The following ATE1 variants were observed in gnomAD, a reference collection of about 807,000 sequenced individuals.
ATE1 encodes arginyl-tRNA--protein transferase 1.
ATE1 carries 36 observed loss-of-function variants against 70.5 expected under a neutral mutation model. The ratio of observed to expected loss-of-function variants is 0.51; its 90% CI spans 0.39 to 0.67. The LOEUF is 0.67. ATE1 is among the 30% of genes least tolerant of loss of function. The pLI, the probability that ATE1 is intolerant of heterozygous loss-of-function variation, is 0.00. For missense variants in ATE1, 593 were observed against 629.5 expected (o/e 0.94, Z 0.62); for synonymous variants, 232 against 219.3 (o/e 1.06, Z -0.51).
At chr10:121,876,676 T>C (rs1165757100) in intron 7 of ATE1, among the ~76,000 whole-genome samples, 1 of 152,066 alleles carries the variant, frequency 6.6e-6, no homozygotes, top group Non-Finnish European at 1.5e-5. Context: ...TCTTAAAAAA[T>C]TGTGTTGCTG....
At chr10:121,782,656 T>C (rs1403083879) in intron 11 of ATE1, 2 of 152,232 alleles carry the variant, frequency 1.3e-5, no homozygotes, top group African/African-American at 4.8e-5. Flanking sequence ...CTTGATTGGA[T>C]TGAAGGATGC....
At chr10:121,869,979 A>T (rs1196972989) in intron 8 of ATE1, 27 bp downstream of exon 8, 1 of 1,578,642 alleles carries the variant, frequency 6.3e-7, no homozygotes, top group Non-Finnish European at 8.7e-7. Flanking sequence ...ACCAATTCTA[A>T]TATTAAGGTC....
At chr10:121,826,047 G>A (rs1295139814) in intron 10 of ATE1, among the ~76,000 whole-genome samples, 1 of 152,222 alleles carries the variant, frequency 6.6e-6, no homozygotes. Flanking sequence ...GTATTATGCT[G>A]AGTAAATTAA....
intron 8 of ATE1, among the ~76,000 whole-genome samples, chr10:121,866,448 A>G (rs994714116): frequency 1.3e-5 from 2 of 151,776 alleles, no homozygotes; most frequent in Non-Finnish European, 1.5e-5. Context: ...AGACAGAAAC[A>G]GACAGAAATT....
rs150069572 is a variant in ATE1, at chr10:121,877,456, T to C, written c.943-7418A>G. Among the ~76,000 whole-genome samples the C allele has an allele frequency of 2.0e-3, 311 of 152,242 alleles. 2 individuals carry two copies. Among genetic ancestry groups the C allele is most frequent in the African/African-American group, 7.1e-3 (297 of 41,548 alleles). The stretch of plus-strand genomic sequence containing the variant: ...AGATTCTTCCAAAATAATATTTTCC[T>C]AGGTATGGAGTATAGTTATTTCCAG... On this transcript the variant is annotated intron_variant, in intron 7 of 11. Transcript: ENST00000224652.
At chr10:121,780,897 C>T (rs1945958986) in intron 11 of ATE1, among the ~76,000 whole-genome samples, 1 of 152,202 alleles carries the variant, frequency 6.6e-6, no homozygotes, top group South Asian at 2.1e-4. Flanking sequence ...TCTGAGTGTG[C>T]TTGATAACTG....
chr10:121,805,739 T>C (rs1250093972), intron 10 of ATE1, among the ~76,000 whole-genome samples: 1 of 152,240 alleles, frequency 6.6e-6, no homozygotes, highest in Non-Finnish European at 1.5e-5. Flanking sequence ...TTTAAAATCC[T>C]TAACGTTTGC....
At chr10:121,790,144 C>T (rs767054130) in intron 11 of ATE1, 25 bp downstream of exon 11, 2 of 1,613,168 alleles carry the variant, frequency 1.2e-6, no homozygotes, top group East Asian at 4.5e-5. Context: ...CAATGATTTC[C>T]AGCTGAGCTC....
chr10:121,745,601 C>T (rs1944331546), intron 11 of ATE1, among the ~76,000 whole-genome samples: 1 of 152,148 alleles, frequency 6.6e-6, no homozygotes, highest in Non-Finnish European at 1.5e-5. Flanking sequence ...GTGGCGGGCG[C>T]CTGTAGTCCC....
intron 10 of ATE1, among the ~76,000 whole-genome samples, chr10:121,800,447 T>G (rs1047073381): frequency 6.6e-6 from 1 of 152,218 alleles, no homozygotes; most frequent in Non-Finnish European, 1.5e-5. Flanking sequence ...GAACTTTCCT[T>G]TGAACTCTGG....
intron 10 of ATE1, among the ~76,000 whole-genome samples, chr10:121,791,536 A>T (rs145006815): frequency 6.6e-6 from 1 of 152,246 alleles, no homozygotes; most frequent in Admixed American, 6.5e-5. Flanking sequence ...GAAAATTTTC[A>T]TAACTATCAA....
chr10:121,826,110 A>G (rs1326789751), intron 10 of ATE1, among the ~76,000 whole-genome samples: 1 of 152,214 alleles, frequency 6.6e-6, no homozygotes, highest in Admixed American at 6.5e-5. Flanking sequence ...GGTACCTAGA[A>G]TAGTCAAATT....
chr10:121,753,011 T>C (rs1034901034), intron 11 of ATE1, among the ~76,000 whole-genome samples: 1 of 152,246 alleles, frequency 6.6e-6, no homozygotes, highest in Non-Finnish European at 1.5e-5. Context: ...AGGTCTTCTG[T>C]AATTTCTTTG....
intron 10 of ATE1, among the ~76,000 whole-genome samples, chr10:121,815,138 T>TTTTTTG (rs1308776720): frequency 1.3e-5 from 2 of 152,138 alleles, no homozygotes; most frequent in Admixed American, 6.5e-5. Context: ...TCTTGGGAAT[T>TTTTTTG]TTTTTGTTTT....
At chr10:121,758,159 A>G (rs567300690) in intron 11 of ATE1, among the ~76,000 whole-genome samples, 1 of 152,324 alleles carries the variant, frequency 6.6e-6, no homozygotes, top group African/African-American at 2.4e-5. Flanking sequence ...AAAATTATCA[A>G]ATACATTGAA....
At chr10:121,817,483 GAGCCAAGATCACGCCACTGCACTCC>G (rs1947601683) in intron 10 of ATE1, among the ~76,000 whole-genome samples, 1 of 151,664 alleles carries the variant, frequency 6.6e-6, no homozygotes, top group Non-Finnish European at 1.5e-5. Context: ...AGCTTGCAGT[GAGCCAAGATCACGCCACTGCACTCC>G]AGCCTGGGCG....
chr10:121,858,898 C>T (rs529486162), intron 8 of ATE1, among the ~76,000 whole-genome samples: 57 of 151,822 alleles, frequency 3.8e-4, no homozygotes, highest in Middle Eastern at 3.4e-3. Context: ...GAGTTCGAGA[C>T]CAGCCTGACC....
chr10:121,810,483 G>T (rs1396733952), intron 10 of ATE1, among the ~76,000 whole-genome samples: 1 of 152,096 alleles, frequency 6.6e-6, no homozygotes, highest in Non-Finnish European at 1.5e-5. Flanking sequence ...TGTTAGCCAG[G>T]ATGGTCTCGA....
intron 7 of ATE1, among the ~76,000 whole-genome samples, chr10:121,870,797 T>G (rs982637000): frequency 7.2e-5 from 11 of 152,196 alleles, no homozygotes; most frequent in Non-Finnish European, 1.5e-4. Flanking sequence ...ACCTCTGAAA[T>G]GAGGACCGTC....
Sources: gnomAD v4.1 joint callset for allele counts (sites outside exome capture counted in the v4.1 genomes callset) on GRCh38, gnomAD v4.1.1 for gene constraint, MANE v1.5 for transcripts, NCBI Gene and HGNC (gene_info 2026-07-23, HGNC 2026-07-21) for gene names.